Variants in HAPLN3 observed in about 807,000 individuals in gnomAD.
The protein encoded by HAPLN3 is hyaluronan and proteoglycan link protein 3.
HAPLN3 carries 28 observed loss-of-function variants against 28.1 expected under a neutral mutation model. The observed-to-expected ratio is 1.00, with a 90% CI of 0.74 to 1.37. The LOEUF (loss-of-function observed/expected upper bound fraction) is 1.37, where lower values mean the gene tolerates loss of function less well. Among genes scored for constraint, HAPLN3 ranks in the 40% most tolerant of loss-of-function variants. HAPLN3 has a pLI of 0.00. For missense variants in HAPLN3, 513 were observed against 504.6 expected (o/e 1.02, Z -0.16); for synonymous variants, 211 against 213.1 (o/e 0.99, Z 0.09).
rs1287048447 is a variant in HAPLN3, at chr15:88,879,853, A to G, written c.494-584T>C. ...TTTCTCTCCTTGTGGTCAGGGTCTG[A>G]TAGAGGCCACAGGCCCTGAAAAGAT... On this transcript the variant is annotated intron_variant, in intron 3 of 4. Coordinates refer to ENST00000359595, the MANE Select transcript of HAPLN3 (RefSeq NM_178232.4). The surrounding 1 kb of genome is among the most constrained non-coding windows in gnomAD (Gnocchi z 5.0). 1 of 1,056,142 alleles carries G rather than the reference A, an allele frequency of 9.5e-7. No individual in the cohort carries two copies. Among genetic ancestry groups the G allele is most frequent in the East Asian group, 8.2e-5 (1 of 12,200 alleles). The allele number at this position is 1,056,142 out of a possible 1,614,324, so 65.4% of individuals were successfully genotyped here.
chr15:88,881,644 G>C lies in HAPLN3; in HGVS notation c.206C>G (p.Pro69Arg), dbSNP rs145413326. Reference protein sequence around the residue: ...FTYQGASVILPCRYRYEPALV... With the variant: ...FTYQGASVILRCRYRYEPALV... ...GGCCGGCTCGTAGCGGTAGCGGCAG[G>C]GCAGGATCACACTGGCCCCTTGGTA... The change falls in exon 3 of 5, where the codon CCC (proline) becomes CGC (arginine). Residue 69 changes from proline (P) to arginine (R), a missense_variant. Coordinates refer to ENST00000359595, the MANE Select transcript of HAPLN3 (RefSeq NM_178232.4). This position sits in a 1 kb window ranked among gnomAD's most constrained non-coding sequence, Gnocchi z 6.0. The C allele has an allele frequency of 6.2e-7, 1 of 1,613,766 alleles. No homozygotes were observed. The highest frequency in any genetic ancestry group is 8.5e-7 in the Non-Finnish European group (1 of 1,180,028).
At position 88,880,294 on chromosome 15, in the gene HAPLN3, C is replaced by A. The variant is rs998600448; in HGVS notation, c.494-1025G>T. The A allele has an allele frequency of 6.6e-6, 7 of 1,060,256 alleles. No individual in the cohort carries two copies. The highest frequency in any genetic ancestry group is 3.4e-5 in the African/African-American group (2 of 58,564). 65.7% of individuals were successfully genotyped at this position (1,060,256 alleles called of 1,614,324 possible). ...TGACTCTTGCAGGTTCTCCCCAACT[C>A]CACTGCCACCCCAACTTCAAGAATG... On this transcript the variant is annotated intron_variant, in intron 3 of 4. Coordinates refer to ENST00000359595, the MANE Select transcript of HAPLN3 (RefSeq NM_178232.4). The surrounding 1 kb of genome is among the most constrained non-coding windows in gnomAD (Gnocchi z 6.0).
Position 88,881,318 on chromosome 15 carries a change from T to G in HAPLN3, c.493+39A>C, listed in dbSNP as rs750890751. On this transcript the variant is annotated intron_variant, in intron 3 of 4. Coordinates refer to ENST00000359595, the MANE Select transcript of HAPLN3 (RefSeq NM_178232.4). The surrounding 1 kb of genome is among the most constrained non-coding windows in gnomAD (Gnocchi z 6.0). ...TTCTCTGGTCCTCTCCCCTCTGCTC[T>G]CAGGTCCCAGTGTCACCCAGTCCCC... is the stretch of plus-strand genomic sequence containing the variant. 6.3e-7 allele frequency: 1 copy of G among 1,580,408 alleles called. No homozygotes were observed. The highest frequency in any genetic ancestry group is 2.2e-5 in the East Asian group (1 of 44,576).
At position 88,888,755 on chromosome 15, in the gene HAPLN3, T is replaced by A. The variant is rs1897933471; in HGVS notation, c.-47-1410A>T. ...TGTGTGTTGAGTACCACGATGGAGG[T>A]ACAGAAACGGGAATGTCCAAATGAG... is the stretch of plus-strand genomic sequence containing the variant. On this transcript the variant is annotated intron_variant, in intron 1 of 4. Coordinates refer to ENST00000359595, the MANE Select transcript of HAPLN3 (RefSeq NM_178232.4). The surrounding 1 kb of genome is among the most constrained non-coding windows in gnomAD (Gnocchi z 4.1). 6.6e-6 allele frequency among the ~76,000 whole-genome samples: 1 copy of A among 151,978 alleles called. No homozygotes were observed. The highest frequency in any genetic ancestry group is 2.1e-4 in the South Asian group (1 of 4,818).
chr15:88,880,700 G>A lies in HAPLN3; in HGVS notation c.493+657C>T. 1 of 754,164 alleles carries A rather than the reference G, an allele frequency of 1.3e-6. No homozygotes were observed. Among genetic ancestry groups the A allele is most frequent in the Non-Finnish European group, 1.8e-6 (1 of 553,542 alleles). The allele number at this position is 754,164 out of a possible 1,614,324, so 46.7% of individuals were successfully genotyped here. A position where few individuals can be genotyped will look rare whatever the true frequency, so the allele number is the denominator to read the frequency against. ...TTGCAGGGTGTGGCTGGTTTGGACA[G>A]CACTGGGTTTTTGTTTTTGGTTTTG... On this transcript the variant is annotated intron_variant, in intron 3 of 4. Coordinates refer to ENST00000359595, the MANE Select transcript of HAPLN3 (RefSeq NM_178232.4). This position sits in a 1 kb window ranked among gnomAD's most constrained non-coding sequence, Gnocchi z 6.0.
chr15:88,887,889 G>T (rs996223249), intron 1 of HAPLN3, among the ~76,000 whole-genome samples: 2 of 151,948 alleles, frequency 1.3e-5, no homozygotes, highest in African/African-American at 4.8e-5. Context: ...CTTGAACCCA[G>T]GAGGCAGAGG....
Position 88,878,064 on chromosome 15 carries a change from G to A in HAPLN3, c.989C>T (p.Pro330Leu). 1 of 1,614,058 alleles carries A rather than the reference G, an allele frequency of 6.2e-7. No homozygotes were observed. The highest frequency in any genetic ancestry group is 8.5e-7 in the Non-Finnish European group (1 of 1,180,004). ...CCCAGGCTCTGGGGGCCCACAGTTA[G>A]GATGCGGGTGAACCACAGGGTAGCG... is the stretch of plus-strand genomic sequence containing the variant. ...SVRYPVVHPHPNCGPPEPGVR... is the reference protein window; with the variant it reads ...SVRYPVVHPHLNCGPPEPGVR... The change falls in exon 5 of 5, where the codon CCT (proline) becomes CTT (leucine). Residue 330 changes from proline to leucine, a missense_variant. Transcript: ENST00000359595.
intron 4 of HAPLN3, 121 bp from the exon 5 acceptor site, chr15:88,878,377 C>CCTGCAGT: frequency 1.1e-6 from 1 of 877,098 alleles, no homozygotes; most frequent in Non-Finnish European, 1.8e-6. Flanking sequence ...ATACTGCAGG[C>CCTGCAGT]ATCTGCAGAG....
At chr15:88,883,617 CA>C (rs1897765345) in intron 2 of HAPLN3, among the ~76,000 whole-genome samples, 1 of 152,210 alleles carries the variant, frequency 6.6e-6, no homozygotes, top group African/African-American at 2.4e-5. Context: ...TGAAAATGTA[CA>C]TCCATATGAT....
intron 1 of HAPLN3, among the ~76,000 whole-genome samples, chr15:88,891,678 A>T (rs1196266490): frequency 6.6e-6 from 1 of 152,252 alleles, no homozygotes; most frequent in Non-Finnish European, 1.5e-5. Flanking sequence ...ACCAAGGCAC[A>T]GAGAGACTAA....
At position 88,880,248 on chromosome 15, in the gene HAPLN3, C is replaced by T. The variant is rs576483527; in HGVS notation, c.494-979G>A. 2 of 1,008,176 alleles carry T rather than the reference C, an allele frequency of 2.0e-6. No individual in the cohort carries two copies. The highest frequency in any genetic ancestry group is 8.0e-5 in the South Asian group (2 of 24,934). 62.5% of individuals were successfully genotyped at this position (1,008,176 alleles called of 1,614,324 possible). On this transcript the variant is annotated intron_variant, in intron 3 of 4. Transcript: ENST00000359595. The surrounding 1 kb of genome is among the most constrained non-coding windows in gnomAD (Gnocchi z 6.0). ...GAGGGCTCCCTGTTTCTCTAGGCTG[C>T]CCCTGCAGACCCCAGACCAATGACT...
At position 88,880,118 on chromosome 15, in the gene HAPLN3, G is replaced by T; in HGVS notation, c.494-849C>A. On this transcript the variant is annotated intron_variant, in intron 3 of 4. Coordinates refer to ENST00000359595, the MANE Select transcript of HAPLN3 (RefSeq NM_178232.4). This position sits in a 1 kb window ranked among gnomAD's most constrained non-coding sequence, Gnocchi z 6.0. ...CAGGTTGGGCGGCAGAGAAGCCCAT[G>T]GGCCCTGACAGTCAGCTTGCAGCCT... 1 of 992,196 alleles carries T rather than the reference G, an allele frequency of 1.0e-6. No homozygotes were observed. The highest frequency in any genetic ancestry group is 1.2e-6 in the Non-Finnish European group (1 of 834,328). 61.5% of individuals were successfully genotyped at this position (992,196 alleles called of 1,614,324 possible). A position where few individuals can be genotyped will look rare whatever the true frequency, so the allele number is the denominator to read the frequency against.
At chr15:88,890,901 T>G (rs4932442) in intron 1 of HAPLN3, among the ~76,000 whole-genome samples, 78,661 of 150,380 alleles carry the variant, frequency 0.52, 21,672 homozygotes, top group African/African-American at 0.7. Context: ...TTTTTGAGAC[T>G]AAGTCTCACT....
intron 1 of HAPLN3, 75 bp from the exon 2 acceptor site, chr15:88,887,420 A>G: frequency 7.5e-7 from 1 of 1,331,988 alleles, no homozygotes; most frequent in East Asian, 2.5e-5. Flanking sequence ...CTCCAACACC[A>G]CTCACTCGCT....
chr15:88,892,409 A>ATCAC (rs1217033203), intron 1 of HAPLN3, among the ~76,000 whole-genome samples: 1 of 151,844 alleles, frequency 6.6e-6, no homozygotes, highest in East Asian at 1.9e-4. Flanking sequence ...GTGAGCCGAG[A>ATCAC]TCACACCTTT....
chr15:88,887,163 G>A lies in HAPLN3; in HGVS notation c.124+12C>T. 6.2e-7 allele frequency: 1 copy of A among 1,614,094 alleles called. No individual in the cohort carries two copies. Among genetic ancestry groups the A allele is most frequent in the Non-Finnish European group, 8.5e-7 (1 of 1,179,966 alleles). On this transcript the variant is annotated intron_variant, in intron 2 of 4. Transcript: ENST00000359595. ...CAGGGGAGCAAAGAGCCGGGTGCAG[G>A]AGGTCGCCTACCTTTGCCATGACCG... is the stretch of plus-strand genomic sequence containing the variant.
intron 1 of HAPLN3, among the ~76,000 whole-genome samples, chr15:88,891,755 A>T (rs935961701): frequency 1.3e-5 from 2 of 152,164 alleles, no homozygotes; most frequent in Non-Finnish European, 2.9e-5. Context: ...TCCAGCCCCA[A>T]AGCCTGGAAC....
chr15:88,894,741 C>G (rs1040790139), intron 1 of HAPLN3, among the ~76,000 whole-genome samples: 1 of 152,226 alleles, frequency 6.6e-6, no homozygotes, highest in Admixed American at 6.5e-5. Context: ...TGGCTGCCAA[C>G]GAGCTGGTGG....
chr15:88,892,008 C>A (rs77912051), intron 1 of HAPLN3, among the ~76,000 whole-genome samples: 1 of 152,062 alleles, frequency 6.6e-6, no homozygotes, highest in East Asian at 1.9e-4. Context: ...CCTCTTACAG[C>A]GGCTCATCTA....
Sources: allele counts gnomAD v4.1 joint callset (sites outside exome capture counted in the v4.1 genomes callset), GRCh38; gene constraint gnomAD v4.1.1; non-coding constraint Gnocchi (gnomAD v3.1); transcripts MANE v1.5; gene names NCBI Gene and HGNC (gene_info 2026-07-23, HGNC 2026-07-21).